SLCO3A1: variants seen among roughly 807,000 people sequenced by gnomAD.
The protein encoded by SLCO3A1 is solute carrier organic anion transporter family member 3A1, also known as PGE1 transporter.
SLCO3A1 carries 27 observed loss-of-function variants against 63.1 expected under a neutral mutation model. That is an observed-to-expected ratio of 0.43 (90% CI 0.32 to 0.59). SLCO3A1 has a LOEUF of 0.59. Among genes scored for constraint, SLCO3A1 ranks in the 20% least tolerant of loss-of-function variants. SLCO3A1 has a pLI of 0.09. For synonymous variants in SLCO3A1, 473 were observed against 409.9 expected (o/e 1.15, Z -1.86); for missense variants, 773 against 945.8 (o/e 0.82, Z 2.40).
At chr15:92,087,321 T>G (rs1271061314) in intron 2 of SLCO3A1, among the ~76,000 whole-genome samples, 2 of 152,132 alleles carry the variant, frequency 1.3e-5, no homozygotes, top group Non-Finnish European at 2.9e-5. Context: ...TTGCTATATT[T>G]GTTATTTCTT....
At chr15:92,065,087 T>TTTGC (rs1453569124) in intron 2 of SLCO3A1, among the ~76,000 whole-genome samples, 26 of 152,058 alleles carry the variant, frequency 1.7e-4, no homozygotes, top group Non-Finnish European at 2.9e-4. Context: ...TGTTTGTTTG[T>TTTGC]TTGTTTGTTT....
At chr15:91,957,964 C>T (rs145281142) in intron 2 of SLCO3A1, among the ~76,000 whole-genome samples, 3 of 152,166 alleles carry the variant, frequency 2.0e-5, no homozygotes, top group African/African-American at 7.2e-5. Flanking sequence ...ACTGAGTCTC[C>T]ATATACATTT....
In SLCO3A1 at chr15:91,885,839, G is replaced by A. The variant is rs759768789; in HGVS notation, c.181-30154G>A. On this transcript the variant is annotated intron_variant, in intron 1 of 9. Transcript: ENST00000318445. This position sits in a 1 kb window ranked among gnomAD's most constrained non-coding sequence, Gnocchi z 4.7. ...TGATATTTGAGTAGATTTGAAAGAA[G>A]TGTGAGATCAAATTATATAACTATT... Among the ~76,000 whole-genome samples the A allele has an allele frequency of 2.0e-5, 3 of 152,226 alleles. No homozygotes were observed. The highest frequency in any genetic ancestry group is 2.4e-5 in the African/African-American group (1 of 41,456).
chr15:92,130,113 G>A (rs1596127577), intron 7 of SLCO3A1, among the ~76,000 whole-genome samples: 2 of 152,202 alleles, frequency 1.3e-5, no homozygotes, highest in East Asian at 3.8e-4. Flanking sequence ...ATAGTCTAGT[G>A]TCCTGAGACC....
At chr15:92,120,421 G>A in intron 4 of SLCO3A1, 44 bp from the exon 5 acceptor site, 2 of 1,597,568 alleles carry the variant, frequency 1.3e-6, no homozygotes, top group Non-Finnish European at 8.6e-7. Flanking sequence ...GGGAGCACAG[G>A]GTGTGACCTT....
intron 2 of SLCO3A1, among the ~76,000 whole-genome samples, chr15:92,042,823 T>TA (rs2046815727): frequency 6.6e-6 from 1 of 152,022 alleles, no homozygotes; most frequent in Non-Finnish European, 1.5e-5. Context: ...CTAGGAGAAG[T>TA]AAAAAGTTGA....
chr15:91,996,823 A>G (rs1237582467), intron 2 of SLCO3A1, among the ~76,000 whole-genome samples: 1 of 152,194 alleles, frequency 6.6e-6, no homozygotes, highest in Non-Finnish European at 1.5e-5. Flanking sequence ...ACTGCATACC[A>G]CAGTATAAAT....
At chr15:91,926,596 T>TGTGTGTGTGCGCGCGCGCGCGC in intron 2 of SLCO3A1, among the ~76,000 whole-genome samples, 3 of 105,254 alleles carry the variant, frequency 2.9e-5, no homozygotes, top group African/African-American at 1.1e-4. Flanking sequence ...TGTGTGTGTG[T>TGTGTGTGTGCGCGCGCGCGCGC]GCGCGCGCGC....
chr15:92,045,934 T>C (rs910580954), intron 2 of SLCO3A1, among the ~76,000 whole-genome samples: 3 of 152,210 alleles, frequency 2.0e-5, no homozygotes. Context: ...GGCATCGCTC[T>C]GTCCTCTCGT....
intron 4 of SLCO3A1, among the ~76,000 whole-genome samples, chr15:92,109,578 C>T (rs1044461007): frequency 6.6e-6 from 1 of 152,192 alleles, no homozygotes; most frequent in African/African-American, 2.4e-5. Context: ...CCTTTGATCA[C>T]TGAAAGAGAG....
intron 2 of SLCO3A1, among the ~76,000 whole-genome samples, chr15:91,931,333 A>G (rs1700199560): frequency 6.6e-6 from 1 of 152,190 alleles, no homozygotes; most frequent in African/African-American, 2.4e-5. Context: ...CCATCTGGAT[A>G]TAGCTAGGAT....
At chr15:92,129,272 C>T (rs2047964022) in intron 7 of SLCO3A1, among the ~76,000 whole-genome samples, 1 of 152,156 alleles carries the variant, frequency 6.6e-6, no homozygotes, top group Admixed American at 6.5e-5. Flanking sequence ...GCAAATGACC[C>T]TTTCTCATGC....
At chr15:91,908,921 C>G (rs376599076) in intron 1 of SLCO3A1, among the ~76,000 whole-genome samples, 2 of 152,034 alleles carry the variant, frequency 1.3e-5, no homozygotes, top group African/African-American at 4.8e-5. Context: ...ATTAGCTGGG[C>G]GTGGTGGCGG....
intron 2 of SLCO3A1, among the ~76,000 whole-genome samples, chr15:91,932,324 A>C (rs930014142): frequency 5.9e-5 from 9 of 152,146 alleles, no homozygotes; most frequent in African/African-American, 2.2e-4. Flanking sequence ...GGTTGAATGA[A>C]TCCCTGTGTG....
At chr15:91,879,890 CAG>C (rs975024813) in intron 1 of SLCO3A1, among the ~76,000 whole-genome samples, 2 of 152,130 alleles carry the variant, frequency 1.3e-5, no homozygotes, top group African/African-American at 4.8e-5. Flanking sequence ...AAGCTCCAGA[CAG>C]AGATTTTATG....
intron 2 of SLCO3A1, among the ~76,000 whole-genome samples, chr15:91,926,746 T>G (rs1377181931): frequency 6.6e-6 from 1 of 152,024 alleles, no homozygotes; most frequent in African/African-American, 2.4e-5. Context: ...ATGTCAGGAG[T>G]CATCGTTGGC....
chr15:91,998,376 C>T (rs1193813835), intron 2 of SLCO3A1, among the ~76,000 whole-genome samples: 1 of 152,004 alleles, frequency 6.6e-6, no homozygotes, highest in Non-Finnish European at 1.5e-5. Flanking sequence ...ATCACTTGAC[C>T]CTGGGAGGCT....
chr15:92,092,125 A>G (rs1229290474), intron 2 of SLCO3A1, among the ~76,000 whole-genome samples: 1 of 152,130 alleles, frequency 6.6e-6, no homozygotes, highest in Non-Finnish European at 1.5e-5. Flanking sequence ...CAATTGTGCT[A>G]TGATGTCTGG....
intron 1 of SLCO3A1, among the ~76,000 whole-genome samples, chr15:91,880,829 C>A (rs1897562948): frequency 6.6e-6 from 1 of 152,078 alleles, no homozygotes. Context: ...TTTTGGGGTC[C>A]TAAAAGCACA....
Sources: gnomAD v4.1 joint callset for allele counts (sites outside exome capture counted in the v4.1 genomes callset) on GRCh38, gnomAD v4.1.1 for gene constraint, Gnocchi (gnomAD v3.1) non-coding constraint, MANE v1.5 for transcripts, NCBI Gene and HGNC (gene_info 2026-07-23, HGNC 2026-07-21) for gene names.